Variants in C2orf15 observed in about 807,000 individuals in gnomAD.
The protein encoded by C2orf15 is chromosome 2 open reading frame 15.
In C2orf15, 3 loss-of-function variants were observed where a neutral mutation model predicts 4.4. The ratio of observed to expected loss-of-function variants is 0.67; its 90% CI spans 0.31 to 1.74. The LOEUF (loss-of-function observed/expected upper bound fraction) is 1.74. Ranked by LOEUF, C2orf15 falls within the 40% of genes most tolerant of loss-of-function variation. The probability of loss-of-function intolerance (pLI) is 0.09; values close to 1 mark genes in which losing one functional copy is unlikely to be tolerated. For synonymous variants in C2orf15, 37 were observed against 36.8 expected (o/e 1.00, Z -0.02); for missense variants, 90 against 103.3 (o/e 0.87, Z 0.56).
At chr2:99,142,990 A>C (rs1171754386) in intron 2 of C2orf15, among the ~76,000 whole-genome samples, 1 of 152,120 alleles carries the variant, frequency 6.6e-6, no homozygotes, top group Non-Finnish European at 1.5e-5. Context: ...GATCATTTTA[A>C]GGCCAAAAGA....
rs1383608901 is a variant in C2orf15 at position 99,151,068 on chromosome 2, T to C, written c.*234T>C. 1.4e-5 allele frequency: 5 copies of C among 353,792 alleles called. No individual in the cohort carries two copies. In the South Asian group the frequency reaches 3.0e-4, roughly 21 times the overall value. The allele number at this position is 353,792 out of a possible 1,614,324, so 21.9% of individuals were successfully genotyped here. A position where few individuals can be genotyped will look rare whatever the true frequency, so the allele number is the denominator to read the frequency against. On this transcript the variant is annotated 3_prime_UTR_variant, in exon 4 of 4. Transcript: ENST00000650052. ...TTCAAAGCAGATTTCTCTGGTATTA[T>C]ATTATATCCTTCTTAAAAACCAGAG...
At chr2:99,146,634 T>G (rs777284946) in intron 2 of C2orf15, among the ~76,000 whole-genome samples, 1 of 152,150 alleles carries the variant, frequency 6.6e-6, no homozygotes, top group East Asian at 1.9e-4. Context: ...GCACTCCACT[T>G]TTTTTTCTTT....
intron 2 of C2orf15, among the ~76,000 whole-genome samples, chr2:99,142,702 A>G (rs1201452063): frequency 6.6e-6 from 1 of 152,224 alleles, no homozygotes; most frequent in East Asian, 1.9e-4. Context: ...AAAATAACAA[A>G]CTGAGAAGTT....
intron 2 of C2orf15, among the ~76,000 whole-genome samples, chr2:99,145,581 T>C (rs975269152): frequency 6.7e-6 from 1 of 148,898 alleles, no homozygotes; most frequent in Non-Finnish European, 1.5e-5. Flanking sequence ...AAAAAGACCC[T>C]TGTGATTACA....
chr2:99,144,052 G>A (rs1047928497), intron 2 of C2orf15, among the ~76,000 whole-genome samples: 12 of 151,176 alleles, frequency 7.9e-5, no homozygotes, highest in African/African-American at 2.4e-4. Flanking sequence ...ATGGAGTCTC[G>A]CTTTGTCTCC....
At chr2:99,145,135 C>T (rs754589484) in intron 2 of C2orf15, among the ~76,000 whole-genome samples, 16 of 152,178 alleles carry the variant, frequency 1.1e-4, no homozygotes, top group Non-Finnish European at 1.9e-4. Flanking sequence ...CTTGCCTTTC[C>T]AGCTTCTACT....
chr2:99,143,210 C>T lies in C2orf15; in HGVS notation c.-169+809C>T, dbSNP rs1344876612. ...AGGCTGGAGTGCAGTGGCACGATCT[C>T]GGCTCACTGCAACCTCCGCCTCCCG... On this transcript the variant is annotated intron_variant, in intron 2 of 3. Transcript: ENST00000650052. Among the ~76,000 whole-genome samples, 14 of 143,788 alleles carry T rather than the reference C, an allele frequency of 9.7e-5. No individual in the cohort carries two copies. The East Asian group carries it at 2.1e-3, about 22-fold the overall frequency. 94.3% of individuals were successfully genotyped at this position (143,788 alleles called of 152,430 possible). A position where few individuals can be genotyped will look rare whatever the true frequency, so the allele number is the denominator to read the frequency against.
In C2orf15 at chr2:99,150,470, T is replaced by C; in HGVS notation, c.-76-13T>C. 7.0e-7 allele frequency: 1 copy of C among 1,434,834 alleles called. No individual in the cohort carries two copies. The highest frequency in any genetic ancestry group is 2.3e-5 in the East Asian group (1 of 43,676). 88.9% of individuals were successfully genotyped at this position (1,434,834 alleles called of 1,614,324 possible). On this transcript the variant is annotated splice_polypyrimidine_tract_variant and intron_variant, in intron 3 of 3. Coordinates refer to ENST00000650052, the MANE Select transcript of C2orf15 (RefSeq NM_144706.4). ...CTGCTGCATTCACTTGTTACTTTTT[T>C]TTTTTTTTTCAGTAATCAAGTTGAA...
At chr2:99,143,852 T>C (rs550232048) in intron 2 of C2orf15, among the ~76,000 whole-genome samples, 1 of 152,260 alleles carries the variant, frequency 6.6e-6, no homozygotes, top group Admixed American at 6.5e-5. Flanking sequence ...AGTCCCTTAA[T>C]TTTTCCATCA....
Position 99,150,592 on chromosome 2 carries a change from G to C in C2orf15, c.34G>C (p.Val12Leu). ...TTCACTTAGTAAATCTGCTACTCAG[G>C]TATCTGCTATACATATGGATTCAAA... Reference protein sequence around the residue: ...GFSLSKSATQVSAIHMDSKVD... With the variant: ...GFSLSKSATQLSAIHMDSKVD... Residue 12 changes from valine (V) to leucine (L), a missense_variant, in exon 4 of 4, where the codon GTA becomes CTA. Val to Leu is a conservative substitution (Grantham distance 32). Coordinates refer to ENST00000650052, the MANE Select transcript of C2orf15 (RefSeq NM_144706.4). 2 of 1,613,406 alleles carry C rather than the reference G, an allele frequency of 1.2e-6. No homozygotes were observed. Among genetic ancestry groups the C allele is most frequent in the Non-Finnish European group, 1.7e-6 (2 of 1,179,672 alleles).
Position 99,150,713 on chromosome 2 carries a change from C to T in C2orf15, c.155C>T (p.Thr52Ile), listed in dbSNP as rs774960095. The T allele has an allele frequency of 6.2e-7, 1 of 1,613,918 alleles. No individual in the cohort carries two copies. Among genetic ancestry groups the T allele is most frequent in the Non-Finnish European group, 8.5e-7 (1 of 1,179,940 alleles). The change falls in exon 4 of 4, where the codon ACA (threonine) becomes ATA (isoleucine). Residue 52 changes from threonine to isoleucine, a missense_variant. Physicochemically the swap from Thr to Ile is moderately conservative, Grantham distance 89. Coordinates refer to ENST00000650052, the MANE Select transcript of C2orf15 (RefSeq NM_144706.4). ...ACCAAGAAAATAAGATTAGAAGACA[C>T]AAATCAAGAAAACTTTACAAGGATT... ...QNTKKIRLED[T>I]NQENFTRIEG...
intron 2 of C2orf15, among the ~76,000 whole-genome samples, chr2:99,145,583 G>T (rs921014070): frequency 6.7e-6 from 1 of 149,980 alleles, no homozygotes; most frequent in African/African-American, 2.4e-5. Context: ...AAAGACCCTT[G>T]TGATTACATT....
At position 99,150,602 on chromosome 2, in the gene C2orf15, T is replaced by C. The variant is rs1347871269; in HGVS notation, c.44T>C (p.Ile15Thr). The change falls in exon 4 of 4, where the codon ATA (isoleucine) becomes ACA (threonine). Residue 15 changes from isoleucine to threonine, a missense_variant. By Grantham distance (89) the Ile-to-Thr change is moderately conservative. Transcript: ENST00000650052. ...LSKSATQVSAIHMDSKVDDHL... is the reference protein window; with the variant it reads ...LSKSATQVSATHMDSKVDDHL... The stretch of plus-strand genomic sequence containing the variant: ...AAATCTGCTACTCAGGTATCTGCTA[T>C]ACATATGGATTCAAAAGTGGATGAT... The C allele has an allele frequency of 1.2e-6, 2 of 1,613,960 alleles. No individual in the cohort carries two copies. Among genetic ancestry groups the C allele is most frequent in the Non-Finnish European group, 1.7e-6 (2 of 1,179,896 alleles).
At chr2:99,149,086 A>C (rs2093661476) in intron 3 of C2orf15, among the ~76,000 whole-genome samples, 1 of 150,398 alleles carries the variant, frequency 6.6e-6, no homozygotes, top group African/African-American at 2.4e-5. Flanking sequence ...CAGGAAAATC[A>C]CTTTAACCTG....
chr2:99,144,993 C>A (rs745971466), intron 2 of C2orf15, among the ~76,000 whole-genome samples: 14 of 152,166 alleles, frequency 9.2e-5, no homozygotes, highest in Non-Finnish European at 2.1e-4. Flanking sequence ...CACTTGGTGT[C>A]TTTAAGCAAC....
intron 2 of C2orf15, among the ~76,000 whole-genome samples, chr2:99,144,449 T>C (rs906386918): frequency 4.6e-5 from 7 of 151,866 alleles, no homozygotes; most frequent in Admixed American, 2.0e-4. Context: ...CTGCCTGTTG[T>C]CCAATATCTA....
Position 99,147,793 on chromosome 2 carries a change from C to G in C2orf15, c.-77+300C>G, listed in dbSNP as rs1174410281. The stretch of plus-strand genomic sequence containing the variant: ...TGCATATTTTACTGTCTTTCTGTAT[C>G]TATGTATCTATCTATCTATTGCTAA... On this transcript the variant is annotated intron_variant, in intron 3 of 3. Coordinates refer to ENST00000650052, the MANE Select transcript of C2orf15 (RefSeq NM_144706.4). Among the ~76,000 whole-genome samples the G allele has an allele frequency of 9.3e-6, 1 of 107,676 alleles. No homozygotes were observed. 70.6% of individuals were successfully genotyped at this position (107,676 alleles called of 152,430 possible).
chr2:99,149,594 C>T lies in C2orf15; in HGVS notation c.-76-889C>T, dbSNP rs1358102505. On this transcript the variant is annotated intron_variant, in intron 3 of 3. Coordinates refer to ENST00000650052, the MANE Select transcript of C2orf15 (RefSeq NM_144706.4). ...AGTAGCTGGGACTACAGGTGCCCGC[C>T]ACCACGCCCGGCTAATTCTTGGTAT... Among the ~76,000 whole-genome samples, 5 of 151,390 alleles carry T rather than the reference C, an allele frequency of 3.3e-5. No individual in the cohort carries two copies. In the East Asian group the frequency reaches 9.8e-4, roughly 30 times the overall value.
At chr2:99,149,204 C>T (rs1032821941) in intron 3 of C2orf15, among the ~76,000 whole-genome samples, 1 of 150,444 alleles carries the variant, frequency 6.6e-6, no homozygotes, top group Admixed American at 6.6e-5. Context: ...GGATTTCGAT[C>T]GAAGCTGTGG....
Sources: allele counts gnomAD v4.1 joint callset (sites outside exome capture counted in the v4.1 genomes callset), GRCh38; gene constraint gnomAD v4.1.1; transcripts MANE v1.5; gene names NCBI Gene and HGNC (gene_info 2026-07-23, HGNC 2026-07-21).